The following RBMS3 variants were observed in gnomAD, a reference collection of about 807,000 sequenced individuals.
The protein encoded by RBMS3 is RNA-binding motif, single-stranded-interacting protein 3.
A neutral mutation model predicts 66.8 loss-of-function variants in RBMS3; 27 were observed. That is an observed-to-expected ratio of 0.40 (90% confidence interval 0.30 to 0.56). The LOEUF (loss-of-function observed/expected upper bound fraction) is 0.56. RBMS3 is among the 20% of genes least tolerant of loss of function. The probability of loss-of-function intolerance (pLI) is 0.40; values close to 1 mark genes in which losing one functional copy is unlikely to be tolerated. For missense variants in RBMS3, 513 were observed against 549.5 expected (o/e 0.93, Z 0.66); for synonymous variants, 188 against 183.0 (o/e 1.03, Z -0.22).
intron 1 of RBMS3, among the ~76,000 whole-genome samples, chr3:29,388,078 C>G (rs960299194): frequency 9.4e-6 from 1 of 106,018 alleles, no homozygotes; most frequent in East Asian, 3.8e-4. Context: ...TGTCTACACA[C>G]ACACAGACAC....
Position 29,406,512 on chromosome 3 carries a change from C to T in RBMS3, c.76-28231C>T, listed in dbSNP as rs187853655. On this transcript the variant is annotated intron_variant, in intron 1 of 14. Coordinates refer to ENST00000383767, the MANE Select transcript of RBMS3 (RefSeq NM_001003793.3). ...CTGAAAGGTGGTCTGGCTCATTAAA[C>T]CACATCACAACTCCCCTGAATAATC... Among the ~76,000 whole-genome samples the T allele has an allele frequency of 5.2e-4, 79 of 152,298 alleles. No homozygotes were observed. In the East Asian group the frequency reaches 0.014, roughly 27 times the overall value.
chr3:29,559,460 G>C (rs1365599068), intron 3 of RBMS3, among the ~76,000 whole-genome samples: 1 of 133,930 alleles, frequency 7.5e-6, no homozygotes, highest in African/African-American at 2.7e-5. Context: ...GCAGTGAGCT[G>C]AGTTTGTGCC....
At chr3:29,740,407 A>G (rs2054584012) in intron 5 of RBMS3, among the ~76,000 whole-genome samples, 1 of 152,214 alleles carries the variant, frequency 6.6e-6, no homozygotes. Flanking sequence ...TGCATTTAAG[A>G]GGCCCTGGCT....
chr3:29,995,647 A>G, intron 14 of RBMS3, among the ~76,000 whole-genome samples: 1 of 151,992 alleles, frequency 6.6e-6, no homozygotes. Context: ...TCAATCCAGA[A>G]TTTCATATCC....
At chr3:29,408,209 T>C (rs1191085584) in intron 1 of RBMS3, among the ~76,000 whole-genome samples, 2 of 147,740 alleles carry the variant, frequency 1.4e-5, no homozygotes, top group African/African-American at 5.1e-5. Flanking sequence ...GAGGCGGAGC[T>C]TGCAGTGAGC....
chr3:29,876,820 A>C (rs1325558851), intron 7 of RBMS3, among the ~76,000 whole-genome samples: 1 of 144,116 alleles, frequency 6.9e-6, no homozygotes, highest in East Asian at 1.9e-4. Flanking sequence ...TAAAGGGTGA[A>C]GTCTAGAGGT....
intron 1 of RBMS3, among the ~76,000 whole-genome samples, chr3:29,307,028 AG>A (rs373393340): frequency 2.0e-5 from 3 of 152,106 alleles, no homozygotes; most frequent in African/African-American, 7.2e-5. Context: ...CACAATTAAA[AG>A]AAAACGCACT....
intron 4 of RBMS3, among the ~76,000 whole-genome samples, chr3:29,676,032 C>T (rs905064113): frequency 4.6e-5 from 7 of 152,312 alleles, no homozygotes; most frequent in Admixed American, 3.3e-4. Context: ...ACCAAGATGT[C>T]CATCACTGAT....
At chr3:29,807,817 C>G (rs1032873381) in intron 6 of RBMS3, among the ~76,000 whole-genome samples, 7 of 151,244 alleles carry the variant, frequency 4.6e-5, no homozygotes, top group African/African-American at 1.7e-4. Flanking sequence ...TGTGCAATAT[C>G]TAACTATATT....
At chr3:29,963,575 C>T (rs1696623439) in intron 12 of RBMS3, among the ~76,000 whole-genome samples, 1 of 152,132 alleles carries the variant, frequency 6.6e-6, no homozygotes, top group African/African-American at 2.4e-5. Flanking sequence ...TGCCTGTAAT[C>T]CCAGCACTGT....
chr3:29,924,267 ATCTG>A (rs773909720), intron 10 of RBMS3, among the ~76,000 whole-genome samples: 13 of 152,184 alleles, frequency 8.5e-5, no homozygotes, highest in Non-Finnish European at 1.0e-4. Flanking sequence ...TATTATTTTA[ATCTG>A]TCTTTCAACT....
intron 1 of RBMS3, among the ~76,000 whole-genome samples, chr3:29,415,279 G>A (rs975543396): frequency 2.0e-5 from 3 of 152,136 alleles, no homozygotes; most frequent in Non-Finnish European, 2.9e-5. Flanking sequence ...GTACTCAGGC[G>A]TGCATCAGGA....
intron 4 of RBMS3, among the ~76,000 whole-genome samples, chr3:29,714,258 T>A (rs2053298373): frequency 6.9e-6 from 1 of 145,734 alleles, no homozygotes; most frequent in Admixed American, 7.1e-5. Context: ...ATTGAAAGAT[T>A]TAATGAGTAC....
chr3:29,499,677 C>G (rs899838496), intron 3 of RBMS3, among the ~76,000 whole-genome samples: 1 of 152,190 alleles, frequency 6.6e-6, no homozygotes, highest in Non-Finnish European at 1.5e-5. Flanking sequence ...GGTCATTCAG[C>G]GGACACCAGC....
chr3:29,850,854 A>G (rs1349092331), intron 6 of RBMS3, among the ~76,000 whole-genome samples: 1 of 152,180 alleles, frequency 6.6e-6, no homozygotes, highest in African/African-American at 2.4e-5. Context: ...CTAGCAGGAA[A>G]GGGATCGAGA....
At chr3:29,623,345 C>T (rs2048943013) in intron 4 of RBMS3, among the ~76,000 whole-genome samples, 1 of 151,988 alleles carries the variant, frequency 6.6e-6, no homozygotes, top group Non-Finnish European at 1.5e-5. Flanking sequence ...GTAATCCCAG[C>T]ACTTTGGGAC....
At chr3:29,458,259 T>G (rs2042260155) in intron 2 of RBMS3, among the ~76,000 whole-genome samples, 1 of 152,216 alleles carries the variant, frequency 6.6e-6, no homozygotes, top group Non-Finnish European at 1.5e-5. Context: ...TGAAGATTTC[T>G]GATGGAAAGA....
At chr3:29,994,350 G>T (rs1370532618) in intron 14 of RBMS3, among the ~76,000 whole-genome samples, 1 of 152,260 alleles carries the variant, frequency 6.6e-6, no homozygotes, top group African/African-American at 2.4e-5. Context: ...GTGAGGCTGG[G>T]GGAGGGGCAC....
chr3:29,769,543 A>C lies in RBMS3; in HGVS notation c.637+6554A>C, dbSNP rs566136286. ...CTTAAATTTTATTACTTAATGTCATACTTGCCTTGATTGCCTCTTGAAGTT... is the reference window on the plus strand; with the variant it reads ...CTTAAATTTTATTACTTAATGTCATCCTTGCCTTGATTGCCTCTTGAAGTT... On this transcript the variant is annotated intron_variant, in intron 6 of 14. Transcript: ENST00000383767. Among the ~76,000 whole-genome samples, 6 of 152,066 alleles carry C rather than the reference A, an allele frequency of 3.9e-5. No individual in the cohort carries two copies. The East Asian group carries it at 1.2e-3, about 30-fold the overall frequency.
Sources: allele counts gnomAD v4.1 joint callset (sites outside exome capture counted in the v4.1 genomes callset), GRCh38; gene constraint gnomAD v4.1.1; transcripts MANE v1.5; gene names NCBI Gene and HGNC (gene_info 2026-07-23, HGNC 2026-07-21).